Variants in ABCA2 observed in about 807,000 individuals in gnomAD.
The protein encoded by ABCA2 is ATP binding cassette subfamily A member 2.
ABCA2 carries 84 observed loss-of-function variants against 262.8 expected under a neutral mutation model. The ratio of observed to expected loss-of-function variants is 0.32; its 90% CI spans 0.27 to 0.38. ABCA2 has a LOEUF of 0.38. Among genes scored for constraint, ABCA2 ranks in the 10% least tolerant of loss-of-function variants. The pLI, the probability that ABCA2 is intolerant of heterozygous loss-of-function variation, is 1.00. For missense variants in ABCA2, 2,662 were observed against 3,405.9 expected, an observed-to-expected ratio of 0.78 and a Z score of 5.44; for synonymous variants, 1,696 against 1,502.9, an observed-to-expected ratio of 1.13 and a Z score of -2.97.
chr9:137,008,470 C>G lies in ABCA2; in HGVS notation c.7221G>C (p.Glu2407Asp). 6.4e-7 allele frequency: 1 copy of G among 1,564,758 alleles called. No homozygotes were observed. ...CGTCCTCCGTGTCCAGGTCCTCGGG[C>G]TCGTCTGCCACAAGTGCCCGGAGCT... ...PTELRALVAD[E>D]PEDLDTEDEG... Residue 2407 changes from glutamate to aspartate, a missense_variant, in exon 48 of 49, where the codon GAG becomes GAC. Transcript: ENST00000341511.
chr9:137,022,928 G>A lies in ABCA2; in HGVS notation c.275+13C>T, dbSNP rs1237050506. On this transcript the variant is annotated intron_variant, in intron 4 of 48. Transcript: ENST00000341511. The stretch of plus-strand genomic sequence containing the variant: ...GGAGGGGTGGGTGCTCCGAGGGGCG[G>A]GTGGGCACTCACGTGGAGTTGGCGT... 1.9e-6 allele frequency: 3 copies of A among 1,565,936 alleles called. No homozygotes were observed. Among genetic ancestry groups the A allele is most frequent in the Non-Finnish European group, 1.7e-6 (2 of 1,155,674 alleles).
intron 13 of ABCA2, 66 bp downstream of exon 13, chr9:137,018,633 TGGGAGGGCACAGGGGGACGG>T: frequency 1.2e-6 from 1 of 800,054 alleles, no homozygotes; most frequent in Non-Finnish European, 1.6e-6. Context: ...GGCCAAGGAG[TGGGAGGGCACAGGGGGACGG>T]GTGGGGCTGG....
Position 137,012,903 on chromosome 9 carries a change from G to A in ABCA2, c.4890C>T (p.Ser1630=). Reference sequence around the variant, plus strand: ...CGGGCTCCCGTACCAGGCGCGGCAGGGAGGGTGCCGACGTCCACATTTCTG... The same window carrying A: ...CGGGCTCCCGTACCAGGCGCGGCAGAGAGGGTGCCGACGTCCACATTTCTG... The part of the protein sequence containing the change: ...AGPEMWTSAP[S]LPRLVREPVR... Residue 1630 remains serine (S), a synonymous_variant, in exon 31 of 49, where the codon TCC becomes TCT. Transcript: ENST00000341511. 6.5e-7 allele frequency: 1 copy of A among 1,542,444 alleles called. No individual in the cohort carries two copies. Among genetic ancestry groups the A allele is most frequent in the African/African-American group, 1.4e-5 (1 of 73,446 alleles).
intron 1 of ABCA2, among the ~76,000 whole-genome samples, chr9:137,027,031 C>A (rs899137285): frequency 6.6e-6 from 1 of 152,252 alleles, no homozygotes; most frequent in Non-Finnish European, 1.5e-5. Flanking sequence ...TCCTGCAGTG[C>A]ATGTTGAAAG....
In ABCA2 at chr9:137,008,948, C is replaced by T. The variant is rs1290568868; in HGVS notation, c.6930+3G>A. ...CTCCACAACCCTGCCCGGGACGGCG[C>T]ACCTTGAGCATGGCTTCCGGGAAGT... On this transcript the variant is annotated splice_donor_region_variant and intron_variant, in intron 46 of 48. Coordinates refer to ENST00000341511, the MANE Select transcript of ABCA2 (RefSeq NM_001606.5). 6.3e-7 allele frequency: 1 copy of T among 1,586,236 alleles called. No homozygotes were observed.
At chr9:137,023,311 C>T (rs774970080) in intron 3 of ABCA2, 4 of 666,072 alleles carry the variant, frequency 6.0e-6, no homozygotes, top group East Asian at 2.8e-5. Flanking sequence ...CCAGAGCATT[C>T]CTTTCCTTTC....
Position 137,008,514 on chromosome 9 carries a change from G to T in ABCA2, c.7177C>A (p.Pro2393Thr), listed in dbSNP as rs532638810. 3.8e-6 allele frequency: 6 copies of T among 1,588,956 alleles called. No homozygotes were observed. Among genetic ancestry groups the T allele is most frequent in the African/African-American group, 2.7e-5 (2 of 74,544 alleles). Residue 2393 changes from proline (P) to threonine (T), a missense_variant, in exon 48 of 49, where the codon CCC becomes ACC. Transcript: ENST00000341511. ...PLGCLLSLLRPRSAPTELRAL... is the reference protein window; with the variant it reads ...PLGCLLSLLRTRSAPTELRAL... ...CGGAGCTCCGTGGGGGCAGACCGGG[G>T]CCGGAGCAGGCTGAGCAAGCAGCCG...
Position 137,009,611 on chromosome 9 carries a change from G to T in ABCA2, c.6664C>A (p.Arg2222=). 2 of 1,612,950 alleles carry T rather than the reference G, an allele frequency of 1.2e-6. No homozygotes were observed. Among genetic ancestry groups the T allele is most frequent in the Non-Finnish European group, 1.7e-6 (2 of 1,179,910 alleles). The change falls in exon 44 of 49, where the codon CGG becomes AGG. Residue 2222 remains arginine, a synonymous_variant. Transcript: ENST00000341511. The part of the protein sequence containing the change: ...EPTTGMDPKA[R]RFLWNLILDL... ...AGGATGAGGTTCCAGAGGAAGCGCC[G>T]GGCCTTGGGGTCCATGCCTGTGGTG...
In ABCA2 at chr9:137,019,314, G is replaced by T. The variant is rs563219144; in HGVS notation, c.1426-8C>A. ...AGCAAAAGTCTCGTTGGCCTGCAGG[G>T]GGTGAGGCAGGGGCATGGAGTTTCT... On this transcript the variant is annotated splice_polypyrimidine_tract_variant and splice_region_variant and intron_variant, in intron 10 of 48. Transcript: ENST00000341511. The surrounding 1 kb of genome is among the most constrained non-coding windows in gnomAD (Gnocchi z 4.4). 1.2e-6 allele frequency: 2 copies of T among 1,612,204 alleles called. No individual in the cohort carries two copies. Among genetic ancestry groups the T allele is most frequent in the South Asian group, 2.2e-5 (2 of 91,024 alleles).
In ABCA2 at chr9:137,021,287, C is replaced by A. The variant is rs1464280449; in HGVS notation, c.897+105G>T. Reference sequence around the variant, plus strand: ...ATACCCACCCACAGGCAGCATCCCACGCACAGCCTGGGCCCAGGAGCCCTG... The same window carrying A: ...ATACCCACCCACAGGCAGCATCCCAAGCACAGCCTGGGCCCAGGAGCCCTG... On this transcript the variant is annotated intron_variant, in intron 8 of 48. Transcript: ENST00000341511. This position sits in a 1 kb window ranked among gnomAD's most constrained non-coding sequence, Gnocchi z 6.0. 2.1e-6 allele frequency: 3 copies of A among 1,418,724 alleles called. No individual in the cohort carries two copies. The highest frequency in any genetic ancestry group is 2.9e-6 in the Non-Finnish European group (3 of 1,051,124). The allele number at this position is 1,418,724 out of a possible 1,614,324, so 87.9% of individuals were successfully genotyped here.
chr9:137,017,708 G>A lies in ABCA2; in HGVS notation c.2212-16C>T, dbSNP rs374926783. 2.5e-6 allele frequency: 4 copies of A among 1,607,762 alleles called. No individual in the cohort carries two copies. The highest frequency in any genetic ancestry group is 2.2e-5 in the South Asian group (2 of 91,006). ...TCTTCATCACCTGCGGGTGGGCCAG[G>A]GGCTTGGGGCAGGCCCCGGGGAGGA... is the stretch of plus-strand genomic sequence containing the variant. On this transcript the variant is annotated splice_polypyrimidine_tract_variant and intron_variant, in intron 16 of 48. Transcript: ENST00000341511.
chr9:137,019,720 C>G lies in ABCA2; in HGVS notation c.1426-414G>C. ...TTCAAGCGTGAGTCCCACGCCCGGG[C>G]TCTCCACTCCTTTCTGCGGCGCTCA... On this transcript the variant is annotated intron_variant, in intron 10 of 48. Coordinates refer to ENST00000341511, the MANE Select transcript of ABCA2 (RefSeq NM_001606.5). This position sits in a 1 kb window ranked among gnomAD's most constrained non-coding sequence, Gnocchi z 4.4. The G allele has an allele frequency of 9.7e-6, 2 of 206,168 alleles. No individual in the cohort carries two copies. The highest frequency in any genetic ancestry group is 1.3e-4 in the South Asian group (2 of 14,888). 12.8% of individuals were successfully genotyped at this position (206,168 alleles called of 1,614,324 possible).
At position 137,011,181 on chromosome 9, in the gene ABCA2, CT is replaced by C; in HGVS notation, c.5923+4del. ...CCGCCTTCCCCGCCCCACGGGCCCC[CT>C]CACCAATCTTGGCGTAGTACTCGTT... On this transcript the variant is annotated splice_donor_region_variant and intron_variant, in intron 38 of 48. Coordinates refer to ENST00000341511, the MANE Select transcript of ABCA2 (RefSeq NM_001606.5). The surrounding 1 kb of genome is among the most constrained non-coding windows in gnomAD (Gnocchi z 8.8). The C allele has an allele frequency of 6.2e-7, 1 of 1,612,522 alleles. No homozygotes were observed. The highest frequency in any genetic ancestry group is 8.5e-7 in the Non-Finnish European group (1 of 1,179,828).
At position 137,022,016 on chromosome 9, in the gene ABCA2, G is replaced by A; in HGVS notation, c.568-15C>T. On this transcript the variant is annotated splice_polypyrimidine_tract_variant and intron_variant, in intron 6 of 48. Coordinates refer to ENST00000341511, the MANE Select transcript of ABCA2 (RefSeq NM_001606.5). ...AGGTGGTAGACCTAGGAGGTGTGGG[G>A]GAATGGCTCAGATGGGGTGTGGGGG... 6.5e-7 allele frequency: 1 copy of A among 1,545,752 alleles called. No individual in the cohort carries two copies. The highest frequency in any genetic ancestry group is 1.4e-5 in the African/African-American group (1 of 70,326).
In ABCA2 at chr9:137,009,169, C is replaced by T. The variant is rs950900777; in HGVS notation, c.6828-116G>A. On this transcript the variant is annotated intron_variant, in intron 45 of 48. Coordinates refer to ENST00000341511, the MANE Select transcript of ABCA2 (RefSeq NM_001606.5). Reference sequence around the variant, plus strand: ...CCCCAGGAAGCCCCATAGCCTCCCACAGCCCCCCAACCCCACAGCCCCCAC... The same window carrying T: ...CCCCAGGAAGCCCCATAGCCTCCCATAGCCCCCCAACCCCACAGCCCCCAC... 31 of 1,134,048 alleles carry T rather than the reference C, an allele frequency of 2.7e-5. No homozygotes were observed. The African/African-American group carries it at 3.7e-4, about 14-fold the overall frequency. The allele number at this position is 1,134,048 out of a possible 1,614,324, so 70.2% of individuals were successfully genotyped here.
rs1202844311 is a variant in ABCA2, at chr9:137,013,686, G to C, written c.4448-123C>G. The C allele has an allele frequency of 3.7e-6, 5 of 1,356,930 alleles. No homozygotes were observed. The East Asian group carries it at 1.2e-4, about 34-fold the overall frequency. 84.1% of individuals were successfully genotyped at this position (1,356,930 alleles called of 1,614,324 possible). The stretch of plus-strand genomic sequence containing the variant: ...TGGGGTCTGGGACCCGAGGAGACAG[G>C]ACTCCCGGATGAACCCCGGTGCGTG... On this transcript the variant is annotated intron_variant, in intron 28 of 48. Transcript: ENST00000341511.
chr9:137,018,873 G>A (rs190907200), intron 12 of ABCA2, 30 bp downstream of exon 12: 39 of 1,612,142 alleles, frequency 2.4e-5, no homozygotes, highest in East Asian at 8.9e-5. Context: ...AGGGGGTGTC[G>A]TGGGTTGGCT....
In ABCA2 at chr9:137,020,849, G is replaced by A; in HGVS notation, c.1110C>T (p.Gly370=). 1 of 1,544,210 alleles carries A rather than the reference G, an allele frequency of 6.5e-7. No homozygotes were observed. Among genetic ancestry groups the A allele is most frequent in the Non-Finnish European group, 8.8e-7 (1 of 1,142,834 alleles). The change falls in exon 9 of 49, where the codon GGC becomes GGT. Residue 370 remains glycine (G), a synonymous_variant. Transcript: ENST00000341511. ...PASGAGGAAN[G]TGAGAVMGPN... Reference sequence around the variant, plus strand: ...GGCCCATGACTGCCCCTGCCCCAGTGCCATTGGCCGCCCCACCCGCACCAC... The same window carrying A: ...GGCCCATGACTGCCCCTGCCCCAGTACCATTGGCCGCCCCACCCGCACCAC...
intron 3 of ABCA2, 171 bp downstream of exon 3, chr9:137,023,667 C>T (rs541427314): frequency 3.5e-5 from 24 of 684,506 alleles, no homozygotes; most frequent in Admixed American, 2.5e-4. Context: ...TCCCTACCAC[C>T]TCCCACTTCA....
Sources: allele counts gnomAD v4.1 joint callset (sites outside exome capture counted in the v4.1 genomes callset), GRCh38; gene constraint gnomAD v4.1.1; non-coding constraint Gnocchi (gnomAD v3.1); transcripts MANE v1.5; gene names NCBI Gene and HGNC (gene_info 2026-07-23, HGNC 2026-07-21).